GPD2: variants seen among roughly 807,000 people sequenced by gnomAD.
GPD2 encodes glycerol-3-phosphate dehydrogenase 2.
GPD2 carries 54 observed loss-of-function variants against 82.4 expected under a neutral mutation model. The observed-to-expected ratio is 0.66, with a 90% CI of 0.53 to 0.82. The LOEUF is 0.82. GPD2 is among the 40% of genes least tolerant of loss of function. The pLI is 0.00. For missense variants in GPD2, 748 were observed against 896.2 expected (o/e 0.83, Z 2.11); for synonymous variants, 288 against 306.1 (o/e 0.94, Z 0.62).
At chr2:156,559,451 T>A (rs2105348841) in intron 9 of GPD2, among the ~76,000 whole-genome samples, 1 of 152,354 alleles carries the variant, frequency 6.6e-6, no homozygotes, top group East Asian at 1.9e-4. Flanking sequence ...AATGTTGATG[T>A]CAGTGAAGGA....
intron 3 of GPD2, among the ~76,000 whole-genome samples, chr2:156,499,060 T>C (rs1684491150): frequency 6.6e-6 from 1 of 152,140 alleles, no homozygotes; most frequent in South Asian, 2.1e-4. Flanking sequence ...GACTTGTTTC[T>C]CAGGGATAGA....
At chr2:156,572,197 A>G (rs1215369110) in intron 13 of GPD2, among the ~76,000 whole-genome samples, 1 of 152,170 alleles carries the variant, frequency 6.6e-6, no homozygotes, top group Non-Finnish European at 1.5e-5. Context: ...CATGTCATAA[A>G]TAGCTATCCT....
intron 3 of GPD2, among the ~76,000 whole-genome samples, chr2:156,509,580 A>C: frequency 6.6e-6 from 1 of 150,844 alleles, no homozygotes. Flanking sequence ...TCATCTCTCA[A>C]CTCCTGTGTG....
chr2:156,555,156 C>G (rs756354600), intron 8 of GPD2, among the ~76,000 whole-genome samples: 1 of 152,174 alleles, frequency 6.6e-6, no homozygotes, highest in African/African-American at 2.4e-5. Context: ...AAAGATATTT[C>G]CAAGTGGATT....
Position 156,502,594 on chromosome 2 carries a change from T to C in GPD2, c.274+6379T>C, listed in dbSNP as rs146903035. Among the ~76,000 whole-genome samples the C allele has an allele frequency of 1.6e-3, 242 of 151,816 alleles. 1 individual carries two copies. The highest frequency in any genetic ancestry group is 5.6e-3 in the African/African-American group (230 of 41,398). On this transcript the variant is annotated intron_variant, in intron 3 of 16. Transcript: ENST00000438166. Reference sequence around the variant, plus strand: ...AGTGTGTGCCACCAGGCCTGATGAGTTTTTAAATTTTTTGTAGAGATGAGG... The same window carrying C: ...AGTGTGTGCCACCAGGCCTGATGAGCTTTTAAATTTTTTGTAGAGATGAGG...
chr2:156,518,387 G>A (rs1685275335), intron 6 of GPD2, among the ~76,000 whole-genome samples: 1 of 152,200 alleles, frequency 6.6e-6, no homozygotes, highest in Admixed American at 6.5e-5. Context: ...CCAGTCACGA[G>A]CTGGAGGTGC....
At chr2:156,410,043 C>T in the GPD2 span, among the ~76,000 whole-genome samples, 1 of 152,116 alleles carries the variant, frequency 6.6e-6, no homozygotes, top group Non-Finnish European at 1.5e-5. Flanking sequence ...AATATCCCAT[C>T]TCAAAAAGAA....
At chr2:156,554,821 G>C (rs1217954546) in intron 8 of GPD2, among the ~76,000 whole-genome samples, 1 of 152,116 alleles carries the variant, frequency 6.6e-6, no homozygotes, top group Non-Finnish European at 1.5e-5. Context: ...CATACTGTTA[G>C]CTCTAACACT....
At chr2:156,517,875 CCATT>C (rs1685255752) in intron 6 of GPD2, among the ~76,000 whole-genome samples, 1 of 151,986 alleles carries the variant, frequency 6.6e-6, no homozygotes, top group Non-Finnish European at 1.5e-5. Flanking sequence ...ATATTAAAAA[CCATT>C]CAATACCTCC....
chr2:156,579,835 TTTGTCA>T, intron 16 of GPD2, 47 bp downstream of exon 16: 1 of 888,422 alleles, frequency 1.1e-6, no homozygotes, highest in Non-Finnish European at 1.9e-6. Context: ...TTATCTTTTG[TTTGTCA>T]TGATCATAAA....
intron 7 of GPD2, 80 bp downstream of exon 7, chr2:156,549,852 C>T: frequency 9.8e-7 from 1 of 1,023,614 alleles, no homozygotes; most frequent in Non-Finnish European, 1.5e-6. Context: ...ATTTTTCTGT[C>T]ACTTCTCTTT....
At chr2:156,451,719 AC>A (rs1169968684) in intron 1 of GPD2, among the ~76,000 whole-genome samples, 2 of 139,904 alleles carry the variant, frequency 1.4e-5, no homozygotes, top group African/African-American at 5.4e-5. Flanking sequence ...TCCCTCCCGG[AC>A]GGGGCGGCTG....
At chr2:156,476,255 T>A (rs763860670) in intron 2 of GPD2, 48 bp downstream of exon 2, 1 of 985,790 alleles carries the variant, frequency 1.0e-6, no homozygotes, top group Non-Finnish European at 1.6e-6. Flanking sequence ...TTAAATCTGC[T>A]AAAGAGCTGT....
At chr2:156,512,185 A>T in intron 4 of GPD2, 35 bp from the exon 5 acceptor site, 1 of 986,738 alleles carries the variant, frequency 1.0e-6, no homozygotes, top group Non-Finnish European at 1.6e-6. Context: ...ATGATCTGTT[A>T]CTGCCAAACT....
chr2:156,424,120 A>T, the GPD2 span, among the ~76,000 whole-genome samples: 4 of 152,016 alleles, frequency 2.6e-5, no homozygotes, highest in African/African-American at 9.7e-5. Flanking sequence ...GCAGCCCATC[A>T]TCCAGGAAGC....
rs201534029 is a variant in GPD2 at position 156,551,185 on chromosome 2, A to AT, written c.971+439_971+440insT. Among the ~76,000 whole-genome samples, 1,231 of 124,306 alleles carry AT rather than the reference A, an allele frequency of 9.9e-3. 3 individuals carry two copies. Among genetic ancestry groups the AT allele is most frequent in the Non-Finnish European group, 0.014 (807 of 56,524 alleles). 81.5% of individuals were successfully genotyped at this position (124,306 alleles called of 152,430 possible). A position where few individuals can be genotyped will look rare whatever the true frequency, so the allele number is the denominator to read the frequency against. ...CTACCCAAGTATTCTTAGGTTTATAACTTTTGAAATAGATTAAAAAAAATA... is the reference window on the plus strand; with the variant it reads ...CTACCCAAGTATTCTTAGGTTTATAATCTTTTGAAATAGATTAAAAAAAATA... On this transcript the variant is annotated intron_variant, in intron 8 of 16. Transcript: ENST00000438166.
At chr2:156,520,081 G>A (rs781594187) in intron 6 of GPD2, among the ~76,000 whole-genome samples, 10 of 152,198 alleles carry the variant, frequency 6.6e-5, no homozygotes, top group Non-Finnish European at 1.2e-4. Context: ...AGGGGATGGA[G>A]TGGGAAGATA....
intron 4 of GPD2, 58 bp from the exon 5 acceptor site, chr2:156,512,162 A>G (rs887959518): frequency 7.0e-6 from 6 of 860,712 alleles, no homozygotes; most frequent in African/African-American, 6.6e-5. Context: ...TCTATTTGCC[A>G]TTTGAAAATA....
At chr2:156,429,950 T>C in the GPD2 span, among the ~76,000 whole-genome samples, 15 of 152,236 alleles carry the variant, frequency 9.9e-5, no homozygotes, top group African/African-American at 3.1e-4. Context: ...GTTTTGTTTA[T>C]TGGTAAGTAG....
Sources: allele counts gnomAD v4.1 joint callset (sites outside exome capture counted in the v4.1 genomes callset), GRCh38; gene constraint gnomAD v4.1.1; transcripts MANE v1.5; gene names NCBI Gene and HGNC (gene_info 2026-07-23, HGNC 2026-07-21).